The following KIAA1958 variants were observed in gnomAD, a reference collection of about 807,000 sequenced individuals.
KIAA1958 encodes KIAA1958.
In KIAA1958, 14 loss-of-function variants were observed where a neutral mutation model predicts 47.2. That is an observed-to-expected ratio of 0.30 (90% CI 0.20 to 0.46). The LOEUF (loss-of-function observed/expected upper bound fraction) is 0.46, where lower values mean the gene tolerates loss of function less well. Among genes scored for constraint, KIAA1958 ranks in the 20% least tolerant of loss-of-function variants. The pLI is 1.00. For missense variants in KIAA1958, 803 were observed against 909.2 expected (o/e 0.88, Z 1.50); for synonymous variants, 354 against 353.3 (o/e 1.00, Z -0.02).
At position 112,562,651 on chromosome 9, in the gene KIAA1958, T is replaced by G. The variant is rs560280199; in HGVS notation, c.-24-11406T>G. Among the ~76,000 whole-genome samples the G allele has an allele frequency of 2.6e-5, 4 of 152,312 alleles. No homozygotes were observed. In the South Asian group the frequency reaches 8.3e-4, roughly 32 times the overall value. On this transcript the variant is annotated intron_variant, in intron 1 of 3. Transcript: ENST00000337530. Reference sequence around the variant, plus strand: ...TTTATCTGCGTTGGTCAGTGGAGAATGTTGCTGATTCTCTGCTTTGTACTT... The same window carrying G: ...TTTATCTGCGTTGGTCAGTGGAGAAGGTTGCTGATTCTCTGCTTTGTACTT...
chr9:112,551,673 A>G (rs150611387), intron 1 of KIAA1958, among the ~76,000 whole-genome samples: 99 of 152,334 alleles, frequency 6.5e-4, no homozygotes, highest in African/African-American at 2.3e-3. Flanking sequence ...TACCAGGTCA[A>G]GAAGAGAGGG....
At chr9:112,599,208 G>A (rs1836086534) in intron 2 of KIAA1958, among the ~76,000 whole-genome samples, 1 of 151,962 alleles carries the variant, frequency 6.6e-6, no homozygotes, top group Non-Finnish European at 1.5e-5. Flanking sequence ...TATTTTGTGG[G>A]GAAAATTTTA....
intron 2 of KIAA1958, among the ~76,000 whole-genome samples, chr9:112,607,467 G>C (rs1310392999): frequency 1.3e-5 from 2 of 152,082 alleles, no homozygotes; most frequent in East Asian, 3.8e-4. Flanking sequence ...AACTGGAATG[G>C]GGAACTTAGG....
At chr9:112,622,390 C>T (rs1310848078) in intron 2 of KIAA1958, among the ~76,000 whole-genome samples, 2 of 152,248 alleles carry the variant, frequency 1.3e-5, no homozygotes, top group East Asian at 3.8e-4. Context: ...ACACTGAACA[C>T]TGTCAGCATT....
chr9:112,521,295 A>G (rs1352228708), intron 1 of KIAA1958, among the ~76,000 whole-genome samples: 2 of 151,992 alleles, frequency 1.3e-5, no homozygotes, highest in Non-Finnish European at 2.9e-5. Flanking sequence ...TGTAACTGCA[A>G]ACTCTTTGGG....
chr9:112,589,521 G>A (rs983601354), intron 2 of KIAA1958, among the ~76,000 whole-genome samples: 7 of 152,222 alleles, frequency 4.6e-5, no homozygotes, highest in Non-Finnish European at 7.3e-5. Flanking sequence ...GAACCCGGGA[G>A]GTGGAGGTTG....
intron 3 of KIAA1958, among the ~76,000 whole-genome samples, chr9:112,649,009 TA>T (rs1384125703): frequency 6.6e-6 from 1 of 151,994 alleles, no homozygotes; most frequent in Non-Finnish European, 1.5e-5. Flanking sequence ...ATGGAAAATA[TA>T]AAAAGGACCA....
chr9:112,601,527 C>T (rs1836131135), intron 2 of KIAA1958, among the ~76,000 whole-genome samples: 1 of 152,108 alleles, frequency 6.6e-6, no homozygotes, highest in African/African-American at 2.4e-5. Context: ...GCAGACTCCT[C>T]CTTTGACCAT....
rs141300207 is a variant in KIAA1958 at position 112,631,948 on chromosome 9, G to A, written c.1172-13702G>A. 6.5e-3 allele frequency among the ~76,000 whole-genome samples: 984 copies of A among 152,256 alleles called. 16 individuals are homozygous for A. Among genetic ancestry groups the A allele is most frequent in the African/African-American group, 0.022 (916 of 41,550 alleles). On this transcript the variant is annotated intron_variant, in intron 2 of 3. Transcript: ENST00000337530. ...TAACTTTGGCTTAAAGAACATCCTT[G>A]AGGATACATTTTTGCATACTTCTCT...
chr9:112,547,794 C>G (rs7027742), intron 1 of KIAA1958, among the ~76,000 whole-genome samples: 145,282 of 152,192 alleles, frequency 0.95, 69,415 homozygotes, highest in African/African-American at 0.99. Flanking sequence ...ATTAACTTAA[C>G]AGTCTCTGGC....
chr9:112,595,881 G>A (rs925491327), intron 2 of KIAA1958, among the ~76,000 whole-genome samples: 24 of 151,796 alleles, frequency 1.6e-4, no homozygotes, highest in Non-Finnish European at 3.1e-4. Flanking sequence ...CGCCTCCCGG[G>A]TTCAAGTGAT....
At chr9:112,546,930 G>A (rs1835045315) in intron 1 of KIAA1958, among the ~76,000 whole-genome samples, 1 of 151,784 alleles carries the variant, frequency 6.6e-6, no homozygotes, top group Non-Finnish European at 1.5e-5. Context: ...TTGTAAACCA[G>A]AAATAAGAAA....
At chr9:112,632,572 T>C (rs1836728973) in intron 2 of KIAA1958, among the ~76,000 whole-genome samples, 1 of 152,156 alleles carries the variant, frequency 6.6e-6, no homozygotes, top group South Asian at 2.1e-4. Context: ...GCAAATGAAA[T>C]ATATCTCATT....
At chr9:112,630,675 C>T (rs1836694576) in intron 2 of KIAA1958, among the ~76,000 whole-genome samples, 1 of 152,192 alleles carries the variant, frequency 6.6e-6, no homozygotes, top group African/African-American at 2.4e-5. Context: ...TGGTTAACTT[C>T]AGACACATTT....
At chr9:112,500,676 T>C (rs1834119521) in intron 1 of KIAA1958, among the ~76,000 whole-genome samples, 1 of 152,164 alleles carries the variant, frequency 6.6e-6, no homozygotes, top group Non-Finnish European at 1.5e-5. Flanking sequence ...GAACATACTG[T>C]TGGCCTGAGA....
intron 1 of KIAA1958, among the ~76,000 whole-genome samples, chr9:112,556,107 C>T (rs1050160354): frequency 6.6e-5 from 10 of 152,244 alleles, no homozygotes; most frequent in South Asian, 2.1e-4. Flanking sequence ...TTCTTAAAAC[C>T]GCAATGGGGA....
intron 2 of KIAA1958, among the ~76,000 whole-genome samples, chr9:112,623,289 T>C (rs1440325836): frequency 4.6e-5 from 7 of 152,236 alleles, no homozygotes; most frequent in Admixed American, 2.0e-4. Flanking sequence ...CACTTAATTC[T>C]CACAATAGTC....
intron 2 of KIAA1958, among the ~76,000 whole-genome samples, chr9:112,620,467 C>G (rs1222690114): frequency 1.3e-5 from 2 of 152,178 alleles, no homozygotes; most frequent in African/African-American, 2.4e-5. Flanking sequence ...GCTGAGCTCT[C>G]CCATGGTCAG....
chr9:112,639,762 A>G (rs770453067), intron 2 of KIAA1958, among the ~76,000 whole-genome samples: 6 of 152,268 alleles, frequency 3.9e-5, no homozygotes, highest in South Asian at 2.1e-4. Flanking sequence ...GATGCCCTCC[A>G]TGCCCTTACT....
Sources: gnomAD v4.1 joint callset for allele counts (sites outside exome capture counted in the v4.1 genomes callset) on GRCh38, gnomAD v4.1.1 for gene constraint, MANE v1.5 for transcripts, NCBI Gene and HGNC (gene_info 2026-07-23, HGNC 2026-07-21) for gene names.